The following KCNQ3 variants were observed in gnomAD, a reference collection of about 807,000 sequenced individuals.
KCNQ3 encodes the protein potassium voltage-gated channel subfamily Q member 3, also known as potassium voltage-gated channel subfamily KQT member 3.
A neutral mutation model predicts 92.5 loss-of-function variants in KCNQ3; 30 were observed. The ratio of observed to expected loss-of-function variants is 0.32; its 90% CI spans 0.24 to 0.44. The LOEUF (loss-of-function observed/expected upper bound fraction) is 0.44. Among genes scored for constraint, KCNQ3 ranks in the 20% least tolerant of loss-of-function variants. The probability of loss-of-function intolerance (pLI) is 1.00; values close to 1 mark genes in which losing one functional copy is unlikely to be tolerated. For missense variants in KCNQ3, 913 were observed against 1,140.3 expected, an observed-to-expected ratio of 0.80 and a Z score of 2.87; for synonymous variants, 450 against 468.8, an observed-to-expected ratio of 0.96 and a Z score of 0.52.
chr8:132,194,112 T>C (rs1827238447), intron 1 of KCNQ3, among the ~76,000 whole-genome samples: 1 of 152,228 alleles, frequency 6.6e-6, no homozygotes, highest in Non-Finnish European at 1.5e-5. Context: ...AAGGTAGCAC[T>C]AGACTCTCTT....
intron 1 of KCNQ3, among the ~76,000 whole-genome samples, chr8:132,188,636 A>G (rs1480267544): frequency 6.6e-6 from 1 of 152,198 alleles, no homozygotes; most frequent in Non-Finnish European, 1.5e-5. Flanking sequence ...ATTGCAATTT[A>G]ATATCAATTT....
At chr8:132,467,150 G>A (rs1284307811) in intron 1 of KCNQ3, among the ~76,000 whole-genome samples, 1 of 152,198 alleles carries the variant, frequency 6.6e-6, no homozygotes, top group Non-Finnish European at 1.5e-5. Context: ...ATGAGTTACA[G>A]AAACTAGAGA....
intron 1 of KCNQ3, among the ~76,000 whole-genome samples, chr8:132,293,543 G>A (rs904064304): frequency 2.0e-5 from 3 of 152,138 alleles, no homozygotes; most frequent in Non-Finnish European, 2.9e-5. Flanking sequence ...TTCCCTACAC[G>A]ACTAGAAATG....
intron 1 of KCNQ3, among the ~76,000 whole-genome samples, chr8:132,449,107 A>T (rs1821762725): frequency 6.6e-6 from 1 of 152,194 alleles, no homozygotes; most frequent in African/African-American, 2.4e-5. Context: ...AATGAAATTC[A>T]GTTTAACAGT....
intron 1 of KCNQ3, among the ~76,000 whole-genome samples, chr8:132,322,821 A>G (rs1817930512): frequency 6.6e-6 from 1 of 152,244 alleles, no homozygotes; most frequent in Non-Finnish European, 1.5e-5. Flanking sequence ...AGGAAAAACA[A>G]TCAAGTCATG....
chr8:132,143,455 C>G (rs540483746), intron 9 of KCNQ3, among the ~76,000 whole-genome samples: 84 of 152,306 alleles, frequency 5.5e-4, no homozygotes, highest in African/African-American at 2.0e-3. Flanking sequence ...TCTTTGAACA[C>G]AGCACATTTC....
At chr8:132,230,784 T>C (rs190026456) in intron 1 of KCNQ3, among the ~76,000 whole-genome samples, 4 of 152,300 alleles carry the variant, frequency 2.6e-5, no homozygotes, top group Admixed American at 1.3e-4. Flanking sequence ...TTGTCTCCCA[T>C]AGTGTCAATC....
chr8:132,323,580 G>T (rs1010707227), intron 1 of KCNQ3, among the ~76,000 whole-genome samples: 1 of 152,116 alleles, frequency 6.6e-6, no homozygotes, highest in Admixed American at 6.5e-5. Context: ...TTTAGAAAAT[G>T]GCCGTAGGTG....
chr8:132,287,206 G>GTAA (rs1816702573), intron 1 of KCNQ3, among the ~76,000 whole-genome samples: 2 of 152,146 alleles, frequency 1.3e-5, no homozygotes, highest in Non-Finnish European at 2.9e-5. Context: ...TTACATTGCC[G>GTAA]TGTAGCAGTT....
intron 3 of KCNQ3, among the ~76,000 whole-genome samples, chr8:132,182,266 G>A (rs1446998070): frequency 3.3e-5 from 5 of 152,164 alleles, no homozygotes; most frequent in African/African-American, 1.2e-4. Context: ...ACACCAAGAT[G>A]TGTAGTAAAC....
At chr8:132,169,404 A>C (rs1476856376) in intron 8 of KCNQ3, among the ~76,000 whole-genome samples, 2 of 152,244 alleles carry the variant, frequency 1.3e-5, no homozygotes, top group Non-Finnish European at 1.5e-5. Flanking sequence ...CATCCAATGC[A>C]TATTAATTTT....
intron 1 of KCNQ3, among the ~76,000 whole-genome samples, chr8:132,205,671 T>G (rs143603138): frequency 6.6e-6 from 1 of 152,288 alleles, no homozygotes; most frequent in East Asian, 1.9e-4. Context: ...CTAGCCTCCT[T>G]ATTTGTAAGT....
rs147689837 is a variant in KCNQ3, at chr8:132,355,079, T to C, written c.386+125068A>G. On this transcript the variant is annotated intron_variant, in intron 1 of 14. Transcript: ENST00000388996. Reference sequence around the variant, plus strand: ...TAGGGAAAGAGAGAAATGTTCCTTGTTCTTTATGCTAGTTGACTAAGAGCT... The same window carrying C: ...TAGGGAAAGAGAGAAATGTTCCTTGCTCTTTATGCTAGTTGACTAAGAGCT... 1.0e-2 allele frequency among the ~76,000 whole-genome samples: 1,521 copies of C among 152,306 alleles called. 8 individuals carry two copies. Among genetic ancestry groups the C allele is most frequent in the Non-Finnish European group, 0.017 (1,155 of 68,024 alleles).
intron 1 of KCNQ3, among the ~76,000 whole-genome samples, chr8:132,255,702 T>G (rs1161977080): frequency 6.6e-6 from 1 of 152,224 alleles, no homozygotes; most frequent in Non-Finnish European, 1.5e-5. Context: ...TATCAATGAC[T>G]GAAAGACTTA....
chr8:132,415,413 C>T (rs1820768692), intron 1 of KCNQ3, among the ~76,000 whole-genome samples: 1 of 152,194 alleles, frequency 6.6e-6, no homozygotes, highest in South Asian at 2.1e-4. Flanking sequence ...TCACCACCAT[C>T]ACCACCCCAT....
rs752406386 is a variant in KCNQ3, at chr8:132,120,873, CTATT to C, written c.*8385_*8388del. On this transcript the variant is annotated 3_prime_UTR_variant, in exon 15 of 15. Transcript: ENST00000388996. ...TTCCTCCACATAATCACTGAAATGT[CTATT>C]TATTAATAAGTGGTGCAGTATTTAT... 7.9e-5 allele frequency: 12 copies of C among 152,110 alleles called. No homozygotes were observed. Among genetic ancestry groups the C allele is most frequent in the Non-Finnish European group, 1.5e-4 (10 of 68,040 alleles). The allele number at this position is 152,110 out of a possible 1,614,324, so 9.4% of individuals were successfully genotyped here.
chr8:132,388,027 G>A (rs2130765722), intron 1 of KCNQ3, among the ~76,000 whole-genome samples: 1 of 145,790 alleles, frequency 6.9e-6, no homozygotes. Flanking sequence ...AGAGGAAGAA[G>A]AAGAAGAGGA....
chr8:132,287,615 T>C (rs1265267594), intron 1 of KCNQ3, among the ~76,000 whole-genome samples: 1 of 152,248 alleles, frequency 6.6e-6, no homozygotes, highest in Non-Finnish European at 1.5e-5. Flanking sequence ...TGATATTTTA[T>C]TCCTTGCTAC....
At chr8:132,141,003 G>T in intron 10 of KCNQ3, 126 bp downstream of exon 10, 2 of 864,914 alleles carry the variant, frequency 2.3e-6, no homozygotes, top group Non-Finnish European at 3.9e-6. Flanking sequence ...GGCTTGTCGA[G>T]GGAAGGGAGA....
Sources: allele counts gnomAD v4.1 joint callset (sites outside exome capture counted in the v4.1 genomes callset), GRCh38; gene constraint gnomAD v4.1.1; transcripts MANE v1.5; gene names NCBI Gene and HGNC (gene_info 2026-07-23, HGNC 2026-07-21).